ST3GAL2: variants seen among roughly 807,000 people sequenced by gnomAD.
ST3GAL2 encodes ST3 beta-galactoside alpha-2,3-sialyltransferase 2.
A neutral mutation model predicts 37.5 loss-of-function variants in ST3GAL2; 16 were observed. The observed-to-expected ratio is 0.43, with a 90% CI of 0.29 to 0.65. The LOEUF is 0.65. Among genes scored for constraint, ST3GAL2 ranks in the 30% least tolerant of loss-of-function variants. The pLI is 0.17. For synonymous variants in ST3GAL2, 238 were observed against 202.9 expected (o/e 1.17, Z -1.47); for missense variants, 383 against 487.8 (o/e 0.79, Z 2.02).
intron 1 of ST3GAL2, among the ~76,000 whole-genome samples, chr16:70,406,152 G>C (rs974863037): frequency 6.6e-5 from 10 of 151,182 alleles, no homozygotes; most frequent in Non-Finnish European, 1.5e-4. Context: ...ACAACAAAAA[G>C]AGAGAATGGT....
intron 1 of ST3GAL2, among the ~76,000 whole-genome samples, chr16:70,414,378 G>A (rs990079517): frequency 1.3e-5 from 2 of 152,224 alleles, no homozygotes; most frequent in Non-Finnish European, 1.5e-5. Context: ...CATGCAAACG[G>A]GATCTTTCAG....
intron 1 of ST3GAL2, among the ~76,000 whole-genome samples, chr16:70,405,392 T>G (rs1160989339): frequency 6.6e-6 from 1 of 150,704 alleles, no homozygotes; most frequent in Non-Finnish European, 1.5e-5. Context: ...ACACAAAAAA[T>G]TAGCCGGGCA....
chr16:70,381,493 G>T lies in ST3GAL2; in HGVS notation c.*196C>A. ...TTTTCCTTGAGTCACATGATTGGCT[G>T]GGAGAAACAGAAGCTCCGCCCGACC... On this transcript the variant is annotated 3_prime_UTR_variant, in exon 7 of 7. Transcript: ENST00000342907. The T allele has an allele frequency of 3.1e-6, 2 of 640,468 alleles. No individual in the cohort carries two copies. Among genetic ancestry groups the T allele is most frequent in the Admixed American group, 3.0e-5 (1 of 33,246 alleles). 39.7% of individuals were successfully genotyped at this position (640,468 alleles called of 1,614,324 possible). A position where few individuals can be genotyped will look rare whatever the true frequency, so the allele number is the denominator to read the frequency against.
In ST3GAL2 at chr16:70,384,160, A is replaced by C. The variant is rs1051502064; in HGVS notation, c.714-925T>G. ...CTAAGTCAGGAAACTGTAACTCATT[A>C]CTTTTGTGTTTATAAAATACATGGT... On this transcript the variant is annotated intron_variant, in intron 4 of 6. Coordinates refer to ENST00000342907, the MANE Select transcript of ST3GAL2 (RefSeq NM_006927.4). Among the ~76,000 whole-genome samples the C allele has an allele frequency of 3.3e-5, 5 of 152,322 alleles. No homozygotes were observed. The East Asian group carries it at 9.6e-4, about 29-fold the overall frequency.
chr16:70,410,417 AT>A (rs922722722), intron 1 of ST3GAL2, among the ~76,000 whole-genome samples: 3 of 148,150 alleles, frequency 2.0e-5, no homozygotes, highest in Non-Finnish European at 3.0e-5. Flanking sequence ...TGCCCGGCTA[AT>A]TTTTTTTTGT....
chr16:70,433,894 T>G (rs1000364875), intron 1 of ST3GAL2, among the ~76,000 whole-genome samples: 2 of 152,246 alleles, frequency 1.3e-5, no homozygotes, highest in African/African-American at 4.8e-5. Context: ...ATGTGCCTTG[T>G]GATAGCCTTT....
At chr16:70,389,798 G>A (rs1597557645) in intron 3 of ST3GAL2, among the ~76,000 whole-genome samples, 1 of 149,786 alleles carries the variant, frequency 6.7e-6, no homozygotes. Context: ...TTGTTTGTTT[G>A]TTTTTTGAGA....
At chr16:70,422,596 G>A (rs112260499) in intron 1 of ST3GAL2, among the ~76,000 whole-genome samples, 2 of 152,280 alleles carry the variant, frequency 1.3e-5, no homozygotes, top group African/African-American at 2.4e-5. Context: ...CTTCACTCCC[G>A]AGAACTCAGG....
chr16:70,402,659 T>C (rs1046681361), intron 1 of ST3GAL2, among the ~76,000 whole-genome samples: 6 of 152,136 alleles, frequency 3.9e-5, no homozygotes, highest in Admixed American at 2.6e-4. Flanking sequence ...GAAGTATTTT[T>C]TTTTCTTTTG....
At position 70,381,857 on chromosome 16, in the gene ST3GAL2, G is replaced by A; in HGVS notation, c.885C>T (p.Asn295=). ...GGCTGTCGGCCCCGAACCCGTACACGTTCACCTGCGGGGAAGCGCAGCGGA... is the reference window on the plus strand; with the variant it reads ...GGCTGTCGGCCCCGAACCCGTACACATTCACCTGCGGGGAAGCGCAGCGGA... ...FFALHVCDEV[N]VYGFGADSRG... Residue 295 remains asparagine (N), a synonymous_variant, in exon 7 of 7, where the codon AAC becomes AAT. Coordinates refer to ENST00000342907, the MANE Select transcript of ST3GAL2 (RefSeq NM_006927.4). The A allele has an allele frequency of 6.2e-7, 1 of 1,613,532 alleles. No individual in the cohort carries two copies. Among genetic ancestry groups the A allele is most frequent in the Non-Finnish European group, 8.5e-7 (1 of 1,179,730 alleles).
rs906121222 is a variant in ST3GAL2, at chr16:70,376,178, A to C, written c.*5511T>G. Reference sequence around the variant, plus strand: ...TGGTCCCCTTTACCCATTCCATGACAAATGGTAGGCAAAAAAAGATATCGC... The same window carrying C: ...TGGTCCCCTTTACCCATTCCATGACCAATGGTAGGCAAAAAAAGATATCGC... On this transcript the variant is annotated 3_prime_UTR_variant, in exon 7 of 7. Transcript: ENST00000342907. 6.6e-6 allele frequency: 1 copy of C among 152,214 alleles called. No individual in the cohort carries two copies. Among genetic ancestry groups the C allele is most frequent in the Non-Finnish European group, 1.5e-5 (1 of 68,044 alleles). The allele number at this position is 152,214 out of a possible 1,614,324, so 9.4% of individuals were successfully genotyped here. A position where few individuals can be genotyped will look rare whatever the true frequency, so the allele number is the denominator to read the frequency against.
At chr16:70,402,070 C>A (rs1349387412) in intron 1 of ST3GAL2, among the ~76,000 whole-genome samples, 1 of 146,586 alleles carries the variant, frequency 6.8e-6, no homozygotes, top group Non-Finnish European at 1.5e-5. Flanking sequence ...GAGGCCGAGG[C>A]GGGTGGATCA....
At chr16:70,382,224 G>A (rs182657358) in intron 6 of ST3GAL2, among the ~76,000 whole-genome samples, 2 of 152,112 alleles carry the variant, frequency 1.3e-5, no homozygotes, top group Admixed American at 1.3e-4. Context: ...CTCAGAGCTG[G>A]TGGGGGCAGT....
chr16:70,419,770 A>G (rs1226484608), intron 1 of ST3GAL2, among the ~76,000 whole-genome samples: 1 of 152,116 alleles, frequency 6.6e-6, no homozygotes, highest in Non-Finnish European at 1.5e-5. Flanking sequence ...TCTCATCATC[A>G]GCCCCAGTCA....
At chr16:70,433,913 C>T (rs1054559278) in intron 1 of ST3GAL2, among the ~76,000 whole-genome samples, 11 of 152,292 alleles carry the variant, frequency 7.2e-5, no homozygotes, top group African/African-American at 2.6e-4. Context: ...TTCTTTGTAC[C>T]TGTTGGCCTG....
Position 70,381,450 on chromosome 16 carries a change from T to A in ST3GAL2, c.*239A>T. 1 of 561,406 alleles carries A rather than the reference T, an allele frequency of 1.8e-6. No individual in the cohort carries two copies. Among genetic ancestry groups the A allele is most frequent in the South Asian group, 2.1e-5 (1 of 47,030 alleles). 34.8% of individuals were successfully genotyped at this position (561,406 alleles called of 1,614,324 possible). ...CCGAAGGCCATTGATTGGAGGAGAC[T>A]GGACACAGCGCCGGAAGTTTTCCTT... On this transcript the variant is annotated 3_prime_UTR_variant, in exon 7 of 7. Coordinates refer to ENST00000342907, the MANE Select transcript of ST3GAL2 (RefSeq NM_006927.4).
intron 1 of ST3GAL2, chr16:70,399,992 T>C (rs371179030): frequency 6.6e-6 from 1 of 152,266 alleles, no homozygotes; most frequent in African/African-American, 2.4e-5. Flanking sequence ...TGACCGCCCC[T>C]CTTCTCTCGA....
At position 70,378,063 on chromosome 16, in the gene ST3GAL2, C is replaced by G. The variant is rs1200368433; in HGVS notation, c.*3626G>C. ...GAAATTTAACAAAATATTTGGAACA[C>G]ACCCAAAAAACTGGATGAAAAAGCT... On this transcript the variant is annotated 3_prime_UTR_variant, in exon 7 of 7. Transcript: ENST00000342907. 2.0e-5 allele frequency: 3 copies of G among 152,054 alleles called. No individual in the cohort carries two copies. Among genetic ancestry groups the G allele is most frequent in the African/African-American group, 4.8e-5 (2 of 41,386 alleles). The allele number at this position is 152,054 out of a possible 1,614,324, so 9.4% of individuals were successfully genotyped here. A position where few individuals can be genotyped will look rare whatever the true frequency, so the allele number is the denominator to read the frequency against.
Position 70,398,216 on chromosome 16 carries a change from T to C in ST3GAL2, c.315A>G (p.Pro105=), listed in dbSNP as rs141344763. The C allele has an allele frequency of 3.8e-5, 61 of 1,613,148 alleles. No individual in the cohort carries two copies. The African/African-American group carries it at 6.8e-4, about 18-fold the overall frequency. ...PVWTRENMDL[P]PDVQRWWMML... ...CCATCCACCACCTCTGGACGTCCGG[T>C]GGAAGATCCATGTTCTCTCGGGTCC... Residue 105 remains proline (P), a synonymous_variant, in exon 2 of 7, where the codon CCA becomes CCG. Coordinates refer to ENST00000342907, the MANE Select transcript of ST3GAL2 (RefSeq NM_006927.4).
Sources: gnomAD v4.1 joint callset for allele counts (sites outside exome capture counted in the v4.1 genomes callset) on GRCh38, gnomAD v4.1.1 for gene constraint, MANE v1.5 for transcripts, NCBI Gene and HGNC (gene_info 2026-07-23, HGNC 2026-07-21) for gene names.